SCAPER: variants seen among roughly 807,000 people sequenced by gnomAD.
The protein encoded by SCAPER is S phase cyclin A-associated protein in the endoplasmic reticulum.
A neutral mutation model predicts 182.2 loss-of-function variants in SCAPER; 98 were observed. That is an observed-to-expected ratio of 0.54 (90% CI 0.46 to 0.64). SCAPER has a LOEUF of 0.64. SCAPER is among the 30% of genes least tolerant of loss of function. SCAPER has a pLI of 0.00. For synonymous variants in SCAPER, 605 were observed against 564.6 expected (o/e 1.07, Z -1.01); for missense variants, 1,432 against 1,690.0 (o/e 0.85, Z 2.68).
chr15:76,565,812 A>G (rs2046995048), intron 23 of SCAPER, among the ~76,000 whole-genome samples: 1 of 152,184 alleles, frequency 6.6e-6, no homozygotes. Flanking sequence ...AAGGGAAGCT[A>G]GCTGAAAAAC....
rs553130487 is a variant in SCAPER at position 76,517,343 on chromosome 15, T to C, written c.2839-12369A>G. 2.8e-3 allele frequency among the ~76,000 whole-genome samples: 418 copies of C among 151,862 alleles called. 2 individuals are homozygous for C. Among genetic ancestry groups the C allele is most frequent in the Admixed American group, 4.8e-3 (73 of 15,252 alleles). Reference sequence around the variant, plus strand: ...TATGCCTTAGTCGAGCTTTCCTTTATATTAACATCTTTTTTTTTTTTTTTT... The same window carrying C: ...TATGCCTTAGTCGAGCTTTCCTTTACATTAACATCTTTTTTTTTTTTTTTT... On this transcript the variant is annotated intron_variant, in intron 23 of 31. Coordinates refer to ENST00000563290, the MANE Select transcript of SCAPER (RefSeq NM_020843.4).
intron 21 of SCAPER, among the ~76,000 whole-genome samples, chr15:76,643,454 G>C (rs1047598044): frequency 6.6e-6 from 1 of 152,046 alleles, no homozygotes; most frequent in East Asian, 1.9e-4. Flanking sequence ...GGCCAAGGCG[G>C]GTGTATCACT....
intron 15 of SCAPER, among the ~76,000 whole-genome samples, chr15:76,735,454 T>C (rs1157413369): frequency 1.3e-5 from 2 of 151,758 alleles, no homozygotes; most frequent in Non-Finnish European, 2.9e-5. Context: ...TCCCAGTACT[T>C]TGGGAGGCCG....
At chr15:76,676,092 C>A (rs184821078) in intron 20 of SCAPER, among the ~76,000 whole-genome samples, 1 of 152,074 alleles carries the variant, frequency 6.6e-6, no homozygotes, top group Non-Finnish European at 1.5e-5. Flanking sequence ...TCCAAAGTGC[C>A]GAGATTACAG....
In SCAPER at chr15:76,603,403, T is replaced by C. The variant is rs1248691275; in HGVS notation, c.2711+18361A>G. ...TGCATAGTATTCCATGGTGTATATGTGCCACGTTTTCTTAATCCAGTCTAT... is the reference window on the plus strand; with the variant it reads ...TGCATAGTATTCCATGGTGTATATGCGCCACGTTTTCTTAATCCAGTCTAT... On this transcript the variant is annotated intron_variant, in intron 22 of 31. Transcript: ENST00000563290. 2.5e-5 allele frequency among the ~76,000 whole-genome samples: 3 copies of C among 122,166 alleles called. 1 individual carries two copies. The highest frequency in any genetic ancestry group is 6.0e-5 in the Non-Finnish European group (3 of 50,294). 80.1% of individuals were successfully genotyped at this position (122,166 alleles called of 152,430 possible).
At position 76,854,137 on chromosome 15, in the gene SCAPER, C is replaced by T. The variant is rs113883163; in HGVS notation, c.195+3672G>A. On this transcript the variant is annotated intron_variant, in intron 4 of 31. Transcript: ENST00000563290. ...TACAAAAATTAGCTGGGCATGGTGA[C>T]GTGAACCTGTAGTCCCAGCTACTCA... is the stretch of plus-strand genomic sequence containing the variant. 7.9e-3 allele frequency among the ~76,000 whole-genome samples: 1,205 copies of T among 152,042 alleles called. 10 individuals are homozygous for T. The highest frequency in any genetic ancestry group is 0.028 in the African/African-American group (1,143 of 41,470).
intron 7 of SCAPER, among the ~76,000 whole-genome samples, chr15:76,798,186 C>G (rs1419515578): frequency 6.6e-6 from 1 of 151,834 alleles, no homozygotes; most frequent in Non-Finnish European, 1.5e-5. Context: ...ATGGCAAAAC[C>G]CTGTCTCTAC....
chr15:76,350,984 T>G, intron 31 of SCAPER: 1 of 360,156 alleles, frequency 2.8e-6, no homozygotes, highest in Admixed American at 4.6e-5. Flanking sequence ...TTGCATGAGA[T>G]GATTATAAAT....
intron 17 of SCAPER, among the ~76,000 whole-genome samples, chr15:76,722,480 T>G (rs1186393362): frequency 1.3e-5 from 2 of 152,234 alleles, no homozygotes; most frequent in African/African-American, 4.8e-5. Flanking sequence ...TTCTATTGAT[T>G]GCAATAGTTT....
At chr15:76,808,629 T>G (rs1298775354) in intron 5 of SCAPER, among the ~76,000 whole-genome samples, 2 of 152,216 alleles carry the variant, frequency 1.3e-5, no homozygotes, top group Non-Finnish European at 2.9e-5. Flanking sequence ...TCCTGACTTC[T>G]CCAGCTGCTA....
chr15:76,562,626 C>T (rs542290298), intron 23 of SCAPER, among the ~76,000 whole-genome samples: 50 of 152,170 alleles, frequency 3.3e-4, no homozygotes, highest in African/African-American at 4.1e-4. Flanking sequence ...TAATAACAAG[C>T]GCTGGAAAGA....
chr15:76,408,972 G>T (rs2948702), intron 26 of SCAPER, among the ~76,000 whole-genome samples: 1 of 152,118 alleles, frequency 6.6e-6, no homozygotes, highest in African/African-American at 2.4e-5. Flanking sequence ...AAGGCAAACT[G>T]AAACAACCAC....
Position 76,754,042 on chromosome 15 carries a change from T to A in SCAPER, c.1726-94A>T, listed in dbSNP as rs576924313. 2.0e-5 allele frequency: 27 copies of A among 1,342,784 alleles called. No individual in the cohort carries two copies. The African/African-American group carries it at 3.2e-4, about 16-fold the overall frequency. The allele number at this position is 1,342,784 out of a possible 1,614,324, so 83.2% of individuals were successfully genotyped here. ...TAAATGGCTTATGAAATATAAACTC[T>A]AAGCGTGGAAAAATGTGCAGCAACA... On this transcript the variant is annotated intron_variant, in intron 14 of 31. Coordinates refer to ENST00000563290, the MANE Select transcript of SCAPER (RefSeq NM_020843.4).
At chr15:76,772,940 C>T (rs1463201682) in intron 9 of SCAPER, among the ~76,000 whole-genome samples, 1 of 151,894 alleles carries the variant, frequency 6.6e-6, no homozygotes, top group African/African-American at 2.4e-5. Flanking sequence ...ATACAAATAT[C>T]AAACTTGGCT....
intron 23 of SCAPER, among the ~76,000 whole-genome samples, chr15:76,522,147 T>C (rs1281294648): frequency 1.3e-5 from 2 of 152,190 alleles, no homozygotes; most frequent in African/African-American, 4.8e-5. Flanking sequence ...TTATTTCTCA[T>C]TTACATGGGG....
At chr15:76,396,609 C>G (rs1182900682) in intron 27 of SCAPER, among the ~76,000 whole-genome samples, 1 of 151,652 alleles carries the variant, frequency 6.6e-6, no homozygotes, top group African/African-American at 2.4e-5. Flanking sequence ...TTTTTGATTT[C>G]AAGATTGTTT....
intron 16 of SCAPER, among the ~76,000 whole-genome samples, chr15:76,731,815 G>T (rs1312412482): frequency 6.6e-6 from 1 of 152,146 alleles, no homozygotes; most frequent in East Asian, 1.9e-4. Context: ...AGTGTTGGTT[G>T]GTGGAGGAAA....
At chr15:76,467,120 T>C (rs1298752433) in intron 25 of SCAPER, among the ~76,000 whole-genome samples, 1 of 152,176 alleles carries the variant, frequency 6.6e-6, no homozygotes, top group Admixed American at 6.5e-5. Context: ...CTTTGTCTTC[T>C]GCCATGATTG....
chr15:76,403,183 G>T (rs2044588647), intron 27 of SCAPER, among the ~76,000 whole-genome samples: 1 of 152,190 alleles, frequency 6.6e-6, no homozygotes, highest in South Asian at 2.1e-4. Context: ...GAACTAGCTG[G>T]GCAGCATGGT....
Sources: allele counts gnomAD v4.1 joint callset (sites outside exome capture counted in the v4.1 genomes callset), GRCh38; gene constraint gnomAD v4.1.1; transcripts MANE v1.5; gene names NCBI Gene and HGNC (gene_info 2026-07-23, HGNC 2026-07-21).